KISS1R: variants seen among roughly 807,000 people sequenced by gnomAD.
KISS1R encodes the protein KISS1 receptor.
Under a neutral mutation model 22.0 loss-of-function variants are expected in KISS1R, and 19 were observed. The observed-to-expected ratio is 0.86, with a 90% CI of 0.60 to 1.26. The LOEUF is 1.26. Ranked by LOEUF, KISS1R falls within the 50% of genes most tolerant of loss-of-function variation. The pLI, the probability that KISS1R is intolerant of heterozygous loss-of-function variation, is 0.00. For synonymous variants in KISS1R, 302 were observed against 283.9 expected (o/e 1.06, Z -0.64); for missense variants, 653 against 581.9 (o/e 1.12, Z -1.26).
In KISS1R at chr19:920,619, C is replaced by A. The variant is rs1182797274; in HGVS notation, c.1068C>A (p.Pro356=). ...CCCGCCGGCCCGGACCCTCGGACCC[C>A]GCAGCCCCACACGCGGAGCTGCTCC... ...RRPRRPGPSD[P]AAPHAELLRL... Residue 356 remains proline (P), a synonymous_variant, in exon 5 of 5, where the codon CCC becomes CCA. Coordinates refer to ENST00000234371, the MANE Select transcript of KISS1R (RefSeq NM_032551.5). 2 of 1,372,402 alleles carry A rather than the reference C, an allele frequency of 1.5e-6. No homozygotes were observed. The highest frequency in any genetic ancestry group is 2.2e-4 in the Middle Eastern group (1 of 4,536). 85.0% of individuals were successfully genotyped at this position (1,372,402 alleles called of 1,614,324 possible). A position where few individuals can be genotyped will look rare whatever the true frequency, so the allele number is the denominator to read the frequency against.
Position 919,962 on chromosome 19 carries a change from C to G in KISS1R, c.594C>G (p.Arg198=). ...ACTGCAGTGAGGCCTTCCCCAGCCG[C>G]GCCCTGGAGCGCGCCTTCGCACTGT... The part of the protein sequence containing the change: ...RAYCSEAFPS[R]ALERAFALYN... The change falls in exon 4 of 5, where the codon CGC becomes CGG. Residue 198 remains arginine, a synonymous_variant. Transcript: ENST00000234371. The G allele has an allele frequency of 6.4e-7, 1 of 1,570,602 alleles. No homozygotes were observed. Among genetic ancestry groups the G allele is most frequent in the Non-Finnish European group, 8.6e-7 (1 of 1,161,120 alleles).
At position 920,731 on chromosome 19, in the gene KISS1R, G is replaced by A; in HGVS notation, c.1180G>A (p.Asp394Asn). The A allele has an allele frequency of 7.7e-7, 1 of 1,295,160 alleles. No homozygotes were observed. The allele number at this position is 1,295,160 out of a possible 1,614,324, so 80.2% of individuals were successfully genotyped here. A position where few individuals can be genotyped will look rare whatever the true frequency, so the allele number is the denominator to read the frequency against. ...GCGCGGGCTGTGCGTCCTGGGGGAG[G>A]ACAACGCCCCTCTCTGAGCGGACCC... ...AARGLCVLGE[D>N]NAPL Residue 394 changes from aspartate (D) to asparagine (N), a missense_variant, in exon 5 of 5, where the codon GAC (aspartate) becomes AAC (asparagine). Transcript: ENST00000234371.
chr19:918,413 G>C (rs866726808), intron 1 of KISS1R, 131 bp from the exon 2 acceptor site: 32 of 1,104,580 alleles, frequency 2.9e-5, no homozygotes, highest in Middle Eastern at 5.9e-4. Context: ...GCTGGGGGAG[G>C]GGGGGGCCTC....
At position 919,913 on chromosome 19, in the gene KISS1R, G is replaced by C; in HGVS notation, c.545G>C (p.Arg182Pro). ...AVSAPVLALH[R>P]LSPGPRAYCS... ...TCTGCGCCGGTGCTCGCCCTGCACC[G>C]CCTGTCACCCGGGCCGCGCGCCTAC... Residue 182 changes from arginine to proline, a missense_variant, in exon 4 of 5, where the codon CGC (arginine) becomes CCC (proline). Physicochemically the swap from Arg to Pro is moderately radical, Grantham distance 103 (BLOSUM62 -2). Transcript: ENST00000234371. The C allele has an allele frequency of 6.4e-7, 1 of 1,551,182 alleles. No homozygotes were observed. Among genetic ancestry groups the C allele is most frequent in the Non-Finnish European group, 8.7e-7 (1 of 1,152,386 alleles).
chr19:917,854 T>A, intron 1 of KISS1R, 108 bp downstream of exon 1: 1 of 1,347,308 alleles, frequency 7.4e-7, no homozygotes, highest in Non-Finnish European at 9.9e-7. Flanking sequence ...GACCCGGCTC[T>A]GTCCCCTGCA....
In KISS1R at chr19:920,860, ATT is replaced by A. The variant is rs1337769877; in HGVS notation, c.*115_*116del. On this transcript the variant is annotated 3_prime_UTR_variant, in exon 5 of 5. Coordinates refer to ENST00000234371, the MANE Select transcript of KISS1R (RefSeq NM_032551.5). ...ACTGTCCAAGATCAACTGTGGAAATATTTTGGTCTCTTGTGACGTTCGGTGCA... is the reference window on the plus strand; with the variant it reads ...ACTGTCCAAGATCAACTGTGGAAATATTGGTCTCTTGTGACGTTCGGTGCA... 9.1e-6 allele frequency: 11 copies of A among 1,202,526 alleles called. No individual in the cohort carries two copies. Among genetic ancestry groups the A allele is most frequent in the Non-Finnish European group, 1.1e-5 (11 of 963,846 alleles). The allele number at this position is 1,202,526 out of a possible 1,614,324, so 74.5% of individuals were successfully genotyped here.
chr19:919,955 C>A lies in KISS1R; in HGVS notation c.587C>A (p.Pro196His), dbSNP rs572007403. ...GPRAYCSEAF[P>H]SRALERAFAL... ...CGCGCCTACTGCAGTGAGGCCTTCC[C>A]CAGCCGCGCCCTGGAGCGCGCCTTC... is the stretch of plus-strand genomic sequence containing the variant. Residue 196 changes from proline to histidine, a missense_variant, in exon 4 of 5, where the codon CCC (proline) becomes CAC (histidine). Physicochemically the swap from Pro to His is moderately conservative, Grantham distance 77. Coordinates refer to ENST00000234371, the MANE Select transcript of KISS1R (RefSeq NM_032551.5). 115 of 1,571,076 alleles carry A rather than the reference C, an allele frequency of 7.3e-5. No individual in the cohort carries two copies. The East Asian group carries it at 2.3e-3, about 31-fold the overall frequency.
At position 920,691 on chromosome 19, in the gene KISS1R, C is replaced by T; in HGVS notation, c.1140C>T (p.Ser380=). The T allele has an allele frequency of 7.6e-7, 1 of 1,316,288 alleles. No homozygotes were observed. 81.5% of individuals were successfully genotyped at this position (1,316,288 alleles called of 1,614,324 possible). ...PAPARAQKPG[S]SGLAARGLCV... is the part of the protein sequence containing the mutation. ...CCGCCAGGGCGCAGAAGCCAGGGAG[C>T]AGTGGGCTGGCCGCGCGCGGGCTGT... Residue 380 remains serine (S), a synonymous_variant, in exon 5 of 5, where the codon AGC becomes AGT. Transcript: ENST00000234371.
In KISS1R at chr19:920,331, G is replaced by T; in HGVS notation, c.780G>T (p.Lys260Asn). The part of the protein sequence containing the change: ...LAERAGAVRA[K>N]VSRLVAAVVL... ...AGCGCGCAGGCGCCGTGCGGGCCAA[G>T]GTCTCGCGGCTGGTGGCGGCCGTGG... is the stretch of plus-strand genomic sequence containing the variant. The change falls in exon 5 of 5, where the codon AAG becomes AAT. Residue 260 changes from lysine to asparagine, a missense_variant. Physicochemically the swap from Lys to Asn is moderately conservative, Grantham distance 94. Coordinates refer to ENST00000234371, the MANE Select transcript of KISS1R (RefSeq NM_032551.5). The T allele has an allele frequency of 6.4e-7, 1 of 1,564,190 alleles. No homozygotes were observed. The highest frequency in any genetic ancestry group is 8.6e-7 in the Non-Finnish European group (1 of 1,162,670).
In KISS1R at chr19:920,790, G is replaced by A; in HGVS notation, c.*42G>A. 8.0e-7 allele frequency: 1 copy of A among 1,249,994 alleles called. No individual in the cohort carries two copies. The highest frequency in any genetic ancestry group is 3.8e-5 in the South Asian group (1 of 26,222). 77.4% of individuals were successfully genotyped at this position (1,249,994 alleles called of 1,614,324 possible). A position where few individuals can be genotyped will look rare whatever the true frequency, so the allele number is the denominator to read the frequency against. On this transcript the variant is annotated 3_prime_UTR_variant, in exon 5 of 5. Coordinates refer to ENST00000234371, the MANE Select transcript of KISS1R (RefSeq NM_032551.5). ...TCCGAGCGGCTCCCTCGGGAGCGGG[G>A]ACTGCTGGAACAGCGGCTATTCTTC...
rs1454975059 is a variant in KISS1R at position 918,538 on chromosome 19, C to T, written c.245-6C>T. 1.3e-6 allele frequency: 2 copies of T among 1,547,770 alleles called. No homozygotes were observed. Among genetic ancestry groups the T allele is most frequent in the Admixed American group, 2.0e-5 (1 of 51,008 alleles). On this transcript the variant is annotated splice_region_variant and splice_polypyrimidine_tract_variant and intron_variant, in intron 1 of 4. Transcript: ENST00000234371. ...CACGCCCAGCGCCCGCGCATCCCCACCGCAGCCAACCTGGCGGCCACGGAC... is the reference window on the plus strand; with the variant it reads ...CACGCCCAGCGCCCGCGCATCCCCATCGCAGCCAACCTGGCGGCCACGGAC...
chr19:920,763 A>G lies in KISS1R; in HGVS notation c.*15A>G. 1.4e-5 allele frequency: 18 copies of G among 1,269,402 alleles called. No homozygotes were observed. Among genetic ancestry groups the G allele is most frequent in the Non-Finnish European group, 1.8e-5 (18 of 1,008,322 alleles). 78.6% of individuals were successfully genotyped at this position (1,269,402 alleles called of 1,614,324 possible). On this transcript the variant is annotated 3_prime_UTR_variant, in exon 5 of 5. Coordinates refer to ENST00000234371, the MANE Select transcript of KISS1R (RefSeq NM_032551.5). The stretch of plus-strand genomic sequence containing the variant: ...CCCCTCTCTGAGCGGACCCGGTGGG[A>G]ATCCGAGCGGCTCCCTCGGGAGCGG...
intron 2 of KISS1R, 45 bp downstream of exon 2, chr19:918,713 CG>C: frequency 1.8e-6 from 2 of 1,114,900 alleles, no homozygotes; most frequent in Non-Finnish European, 1.1e-6. Flanking sequence ...TGGGGACGGG[CG>C]GGGGTGCGCT....
chr19:919,701 C>T, intron 3 of KISS1R, 76 bp downstream of exon 3: 1 of 1,531,646 alleles, frequency 6.5e-7, no homozygotes, highest in Non-Finnish European at 8.8e-7. Context: ...CCACCTGCCG[C>T]CTCGGTCCAG....
In KISS1R at chr19:919,490, G is replaced by C; in HGVS notation, c.370G>C (p.Val124Leu). 1 of 1,549,190 alleles carries C rather than the reference G, an allele frequency of 6.5e-7. No individual in the cohort carries two copies. Among genetic ancestry groups the C allele is most frequent in the East Asian group, 2.4e-5 (1 of 41,910 alleles). ...CACGCCCGGCTGGCGGCTCCCGCAGGTCTCGGTGCAGGCCACGTGTGCCAC... is the reference window on the plus strand; with the variant it reads ...CACGCCCGGCTGGCGGCTCCCGCAGCTCTCGGTGCAGGCCACGTGTGCCAC... ...MCKFVNYIQQ[V>L]SVQATCATLT... The change falls in exon 3 of 5, where the codon GTC becomes CTC. Residue 124 changes from valine to leucine, a missense_variant and splice_region_variant. Physicochemically the swap from Val to Leu is conservative, Grantham distance 32. Coordinates refer to ENST00000234371, the MANE Select transcript of KISS1R (RefSeq NM_032551.5).
chr19:918,056 G>A (rs1255528509), intron 1 of KISS1R, among the ~76,000 whole-genome samples: 1 of 152,194 alleles, frequency 6.6e-6, no homozygotes, highest in African/African-American at 2.4e-5. Flanking sequence ...GCTGAACAAA[G>A]GGCTGGGGGA....
chr19:920,888 G>A lies in KISS1R; in HGVS notation c.*140G>A, dbSNP rs2037117001. 1 of 1,009,932 alleles carries A rather than the reference G, an allele frequency of 9.9e-7. No individual in the cohort carries two copies. Among genetic ancestry groups the A allele is most frequent in the African/African-American group, 1.7e-5 (1 of 59,708 alleles). The allele number at this position is 1,009,932 out of a possible 1,614,324, so 62.6% of individuals were successfully genotyped here. On this transcript the variant is annotated 3_prime_UTR_variant, in exon 5 of 5. Transcript: ENST00000234371. ...TTGGTCTCTTGTGACGTTCGGTGCA[G>A]TTTCGTTGTGAAGTTTGCTATTGAT...
chr19:919,607 A>G lies in KISS1R; in HGVS notation c.487A>G (p.Ser163Gly). The G allele has an allele frequency of 6.4e-7, 1 of 1,553,906 alleles. No individual in the cohort carries two copies. The highest frequency in any genetic ancestry group is 8.7e-7 in the Non-Finnish European group (1 of 1,152,988). The change falls in exon 3 of 5, where the codon AGC (serine) becomes GGC (glycine). Residue 163 changes from serine to glycine, a missense_variant. Ser to Gly is a moderately conservative substitution (Grantham distance 56). Coordinates refer to ENST00000234371, the MANE Select transcript of KISS1R (RefSeq NM_032551.5). ...CACGCCCCGCCTGGCGCTGGCTGTC[A>G]GCCTCAGCATCTGGGTAGGTGAGTA... ...RRTPRLALAVSLSIWVGSAAV... is the reference protein window; with the variant it reads ...RRTPRLALAVGLSIWVGSAAV...
In KISS1R at chr19:917,628, C is replaced by T; in HGVS notation, c.126C>T (p.Ala42=). 1 of 1,581,228 alleles carries T rather than the reference C, an allele frequency of 6.3e-7. No homozygotes were observed. The highest frequency in any genetic ancestry group is 1.1e-5 in the South Asian group (1 of 87,434). Residue 42 remains alanine, a synonymous_variant, in exon 1 of 5, where the codon GCC becomes GCT. Coordinates refer to ENST00000234371, the MANE Select transcript of KISS1R (RefSeq NM_032551.5). ...TCCCTTCGCCGCGGGCCGTGGACGC[C>T]TGGCTCGTGCCGCTCTTCTTCGCGG... ...GPVPSPRAVD[A]WLVPLFFAAL... is the part of the protein sequence containing the mutation.
Sources: gnomAD v4.1 joint callset for allele counts (sites outside exome capture counted in the v4.1 genomes callset) on GRCh38, gnomAD v4.1.1 for gene constraint, MANE v1.5 for transcripts, NCBI Gene and HGNC (gene_info 2026-07-23, HGNC 2026-07-21) for gene names.